The following MECOM variants were observed in gnomAD, a reference collection of about 807,000 sequenced individuals.
MECOM encodes the protein histone-lysine N-methyltransferase MECOM.
In MECOM, 13 loss-of-function variants were observed where a neutral mutation model predicts 116.3. The ratio of observed to expected loss-of-function variants is 0.11; its 90% confidence interval spans 0.07 to 0.18. MECOM has a LOEUF of 0.18. MECOM is among the 10% of genes least tolerant of loss of function. The pLI is 1.00. For missense variants in MECOM, 1,299 were observed against 1,509.0 expected (o/e 0.86, Z 2.31); for synonymous variants, 528 against 535.2 (o/e 0.99, Z 0.19).
chr3:169,602,601 G>A (rs1767961808), intron 1 of MECOM, among the ~76,000 whole-genome samples: 1 of 152,132 alleles, frequency 6.6e-6, no homozygotes, highest in African/African-American at 2.4e-5. Flanking sequence ...TACTCCTTGT[G>A]ACAACCAAAA....
intron 2 of MECOM, among the ~76,000 whole-genome samples, chr3:169,315,543 C>T (rs984212763): frequency 2.0e-5 from 3 of 152,098 alleles, no homozygotes; most frequent in Non-Finnish European, 2.9e-5. Context: ...AAGTTAACAG[C>T]TTTGTGTCTT....
chr3:169,245,604 C>A (rs752427051), intron 2 of MECOM, among the ~76,000 whole-genome samples: 6 of 152,134 alleles, frequency 3.9e-5, no homozygotes, highest in African/African-American at 7.2e-5. Context: ...ATCACTCAGA[C>A]TTTTAGACCC....
chr3:169,115,298 A>G, intron 8 of MECOM, 85 bp downstream of exon 8: 2 of 1,334,246 alleles, frequency 1.5e-6, no homozygotes, highest in Non-Finnish European at 2.0e-6. Context: ...AGTAAAAATG[A>G]TGTGTTAAAA....
In MECOM at chr3:169,307,871, G is replaced by C. The variant is rs554899280; in HGVS notation, c.375+73316C>G. ...TTATCCTGGCCACTGAGGCTACCTG[G>C]GCCAGATCCTGCTACTTCTCCACTC... On this transcript the variant is annotated intron_variant, in intron 2 of 16. Transcript: ENST00000651503. 1.8e-4 allele frequency among the ~76,000 whole-genome samples: 28 copies of C among 152,068 alleles called. No homozygotes were observed. In the South Asian group the frequency reaches 5.8e-3, roughly 32 times the overall value.
chr3:169,434,442 GTT>G (rs141314375), intron 1 of MECOM, among the ~76,000 whole-genome samples: 1 of 149,192 alleles, frequency 6.7e-6, no homozygotes, highest in African/African-American at 2.5e-5. Flanking sequence ...AAAGTTTACT[GTT>G]TTTTTTTTGT....
chr3:169,599,761 A>G (rs1307286021), intron 1 of MECOM, among the ~76,000 whole-genome samples: 1 of 152,198 alleles, frequency 6.6e-6, no homozygotes, highest in Non-Finnish European at 1.5e-5. Context: ...AAAGAATCAA[A>G]TACACTCAAC....
chr3:169,150,791 G>A (rs1741065499), intron 2 of MECOM, among the ~76,000 whole-genome samples: 1 of 152,160 alleles, frequency 6.6e-6, no homozygotes. Context: ...GGTTGAGTGT[G>A]GGCTGATAGA....
intron 2 of MECOM, among the ~76,000 whole-genome samples, chr3:169,193,163 T>G (rs1362614203): frequency 6.6e-6 from 1 of 151,230 alleles, no homozygotes; most frequent in Non-Finnish European, 1.5e-5. Flanking sequence ...TTAATAGACA[T>G]GAAAATCCTG....
At chr3:169,565,892 C>T in intron 1 of MECOM, 1 of 425,542 alleles carries the variant, frequency 2.3e-6, no homozygotes, top group Non-Finnish European at 4.6e-6. Flanking sequence ...CCTGGTGGAT[C>T]AGTTAGTTTT....
At chr3:169,265,778 G>T (rs1560064977) in intron 2 of MECOM, among the ~76,000 whole-genome samples, 6 of 152,194 alleles carry the variant, frequency 3.9e-5, no homozygotes, top group Admixed American at 3.3e-4. Flanking sequence ...CATGCAGGTG[G>T]CATATCAGAT....
At chr3:169,136,282 G>A (rs1211829936) in intron 3 of MECOM, among the ~76,000 whole-genome samples, 22 of 151,252 alleles carry the variant, frequency 1.5e-4, no homozygotes, top group Admixed American at 1.4e-3. Context: ...CATAAACATG[G>A]CAAAGTATAT....
At chr3:169,476,186 G>A (rs149268725) in intron 1 of MECOM, among the ~76,000 whole-genome samples, 1 of 152,214 alleles carries the variant, frequency 6.6e-6, no homozygotes, top group African/African-American at 2.4e-5. Context: ...CACAACAGTG[G>A]CCCACTAATA....
intron 2 of MECOM, among the ~76,000 whole-genome samples, chr3:169,195,250 C>T (rs1748263885): frequency 6.6e-6 from 1 of 152,036 alleles, no homozygotes; most frequent in Admixed American, 6.6e-5. Flanking sequence ...TGAAATGAGC[C>T]TGCTGTCCAG....
chr3:169,147,504 T>G (rs986285631), intron 2 of MECOM: 4 of 985,328 alleles, frequency 4.1e-6, no homozygotes, highest in African/African-American at 1.7e-5. Context: ...TCTTTTAAAT[T>G]TTTAAAGTGA....
intron 2 of MECOM, among the ~76,000 whole-genome samples, chr3:169,373,387 T>C (rs1317632481): frequency 6.6e-6 from 1 of 151,958 alleles, no homozygotes; most frequent in Admixed American, 6.6e-5. Flanking sequence ...CCAAAGTACC[T>C]TACTTGGGAA....
intron 2 of MECOM, among the ~76,000 whole-genome samples, chr3:169,284,986 C>T (rs1163497930): frequency 6.6e-6 from 1 of 152,098 alleles, no homozygotes; most frequent in Non-Finnish European, 1.5e-5. Flanking sequence ...CATGGTGTGG[C>T]CCCCATGGTG....
intron 1 of MECOM, among the ~76,000 whole-genome samples, chr3:169,403,123 C>T (rs111353968): frequency 2.6e-5 from 4 of 152,320 alleles, no homozygotes; most frequent in African/African-American, 4.8e-5. Context: ...CTCTATACAG[C>T]GTTCTTCCCT....
chr3:169,300,163 T>C (rs569676161), intron 2 of MECOM, among the ~76,000 whole-genome samples: 2 of 152,214 alleles, frequency 1.3e-5, no homozygotes, highest in East Asian at 1.9e-4. Flanking sequence ...GCCCTCAGCC[T>C]ATTGCCATGA....
intron 1 of MECOM, among the ~76,000 whole-genome samples, chr3:169,409,914 G>A (rs1288756800): frequency 6.6e-6 from 1 of 152,134 alleles, no homozygotes; most frequent in Non-Finnish European, 1.5e-5. Flanking sequence ...CTAAACAACT[G>A]CTTAAACTTG....
Sources: gnomAD v4.1 joint callset for allele counts (sites outside exome capture counted in the v4.1 genomes callset) on GRCh38, gnomAD v4.1.1 for gene constraint, MANE v1.5 for transcripts, NCBI Gene and HGNC (gene_info 2026-07-23, HGNC 2026-07-21) for gene names.